Variants in PRKCE observed in about 807,000 individuals in gnomAD.
The protein encoded by PRKCE is protein kinase C epsilon, also known as protein kinase C epsilon type.
PRKCE carries 16 observed loss-of-function variants against 85.4 expected under a neutral mutation model. The observed-to-expected ratio is 0.19, with a 90% CI of 0.13 to 0.28. PRKCE has a LOEUF of 0.28. Ranked by LOEUF, PRKCE falls within the 10% of genes least tolerant of loss-of-function variation. The pLI, the probability that PRKCE is intolerant of heterozygous loss-of-function variation, is 1.00. For synonymous variants in PRKCE, 388 were observed against 371.5 expected (o/e 1.04, Z -0.51); for missense variants, 573 against 975.2 (o/e 0.59, Z 5.49).
intron 1 of PRKCE, among the ~76,000 whole-genome samples, chr2:45,684,234 C>T (rs1439419555): frequency 2.0e-5 from 3 of 152,178 alleles, no homozygotes; most frequent in Admixed American, 2.0e-4. Flanking sequence ...AGTGGATTCC[C>T]TTTTTCAGGA....
intron 1 of PRKCE, among the ~76,000 whole-genome samples, chr2:45,695,363 T>G (rs1267662082): frequency 6.6e-6 from 1 of 152,228 alleles, no homozygotes; most frequent in Non-Finnish European, 1.5e-5. Context: ...CATTACAGTC[T>G]TTCTTTCCTT....
chr2:45,968,111 C>T (rs1701854531), intron 2 of PRKCE, among the ~76,000 whole-genome samples: 1 of 152,140 alleles, frequency 6.6e-6, no homozygotes, highest in Non-Finnish European at 1.5e-5. Context: ...TTCTTGGCTC[C>T]ATATACTCTG....
chr2:45,686,872 G>A (rs912736481), intron 1 of PRKCE, among the ~76,000 whole-genome samples: 3 of 152,114 alleles, frequency 2.0e-5, no homozygotes, highest in Non-Finnish European at 4.4e-5. Flanking sequence ...TATCAGTGAA[G>A]AATGGTAGAT....
chr2:45,868,877 G>A (rs1269080439), intron 2 of PRKCE, among the ~76,000 whole-genome samples: 1 of 150,620 alleles, frequency 6.6e-6, no homozygotes, highest in Non-Finnish European at 1.5e-5. Flanking sequence ...AGAATCTCTT[G>A]AATCTGGGAG....
At chr2:45,827,984 A>G (rs1206132555) in intron 1 of PRKCE, among the ~76,000 whole-genome samples, 1 of 152,224 alleles carries the variant, frequency 6.6e-6, no homozygotes, top group Non-Finnish European at 1.5e-5. Flanking sequence ...GACAAATAGG[A>G]GAATATATTC....
At chr2:46,049,238 G>A (rs1037145657) in intron 10 of PRKCE, among the ~76,000 whole-genome samples, 1 of 152,130 alleles carries the variant, frequency 6.6e-6, no homozygotes, top group African/African-American at 2.4e-5. Context: ...GGGACCTCAG[G>A]GTTTCTGCTT....
chr2:46,134,492 C>A (rs897090118), intron 11 of PRKCE, among the ~76,000 whole-genome samples: 1 of 152,222 alleles, frequency 6.6e-6, no homozygotes, highest in African/African-American at 2.4e-5. Context: ...AGCAGGGGAG[C>A]ATCATCTGAT....
At chr2:46,146,070 G>C (rs1273695012) in intron 12 of PRKCE, among the ~76,000 whole-genome samples, 1 of 152,196 alleles carries the variant, frequency 6.6e-6, no homozygotes, top group Non-Finnish European at 1.5e-5. Flanking sequence ...ACAGATATCA[G>C]AGATGTTCAC....
chr2:46,097,558 T>A (rs1360516080), intron 11 of PRKCE, among the ~76,000 whole-genome samples: 1 of 147,762 alleles, frequency 6.8e-6, no homozygotes, highest in Non-Finnish European at 1.5e-5. Flanking sequence ...CTGACTTTGG[T>A]GTCTTGACTT....
intron 1 of PRKCE, among the ~76,000 whole-genome samples, chr2:45,716,996 C>T (rs912334491): frequency 2.6e-5 from 4 of 152,222 alleles, no homozygotes; most frequent in African/African-American, 7.2e-5. Context: ...ATTCAATTAC[C>T]TCCTACTGGG....
intron 2 of PRKCE, among the ~76,000 whole-genome samples, chr2:45,864,786 T>G (rs1378010860): frequency 6.6e-6 from 1 of 152,238 alleles, no homozygotes; most frequent in Non-Finnish European, 1.5e-5. Context: ...GGTAGAGTAC[T>G]TGCTTTCATA....
chr2:45,920,806 G>T (rs1698195872), intron 2 of PRKCE, among the ~76,000 whole-genome samples: 1 of 152,190 alleles, frequency 6.6e-6, no homozygotes, highest in Non-Finnish European at 1.5e-5. Context: ...TTCTAAAACT[G>T]ATGGTTTAGT....
chr2:46,105,579 T>G (rs558896894), intron 11 of PRKCE, among the ~76,000 whole-genome samples: 24 of 152,124 alleles, frequency 1.6e-4, no homozygotes, highest in Non-Finnish European at 2.9e-4. Context: ...ATACCATGAC[T>G]TTTGGGAACA....
chr2:46,007,510 A>G lies in PRKCE; in HGVS notation c.1112A>G (p.Asn371Ser), dbSNP rs1329915953. 5 of 1,599,786 alleles carry G rather than the reference A, an allele frequency of 3.1e-6. No individual in the cohort carries two copies. The highest frequency in any genetic ancestry group is 1.7e-4 in the Middle Eastern group (1 of 6,060). ...ATTCGGAAAGCCTTGTCATTTGACA[A>G]CCGAGGAGAGGAGCACCGGGCAGCA... ...NNIRKALSFD[N>S]RGEEHRAASS... The change falls in exon 9 of 15, where the codon AAC (asparagine) becomes AGC (serine). Residue 371 changes from asparagine (N) to serine (S), a missense_variant. By Grantham distance (46) the Asn-to-Ser change is conservative (BLOSUM62 1). Coordinates refer to ENST00000306156, the MANE Select transcript of PRKCE (RefSeq NM_005400.3).
chr2:45,875,749 A>C (rs573887310), intron 2 of PRKCE, among the ~76,000 whole-genome samples: 1 of 152,324 alleles, frequency 6.6e-6, no homozygotes, highest in South Asian at 2.1e-4. Flanking sequence ...AATGTCAACT[A>C]ATCTTTCACC....
intron 1 of PRKCE, among the ~76,000 whole-genome samples, chr2:45,816,265 C>G (rs1689031683): frequency 6.6e-6 from 1 of 152,096 alleles, no homozygotes; most frequent in African/African-American, 2.4e-5. Flanking sequence ...GGGCTCAGCC[C>G]TGCTATGAAT....
At chr2:46,039,298 T>C (rs533370330) in intron 10 of PRKCE, among the ~76,000 whole-genome samples, 2 of 152,228 alleles carry the variant, frequency 1.3e-5, no homozygotes, top group African/African-American at 4.8e-5. Flanking sequence ...AGTTTCTCTG[T>C]CTCTCTCACA....
intron 1 of PRKCE, among the ~76,000 whole-genome samples, chr2:45,692,318 G>A (rs907187293): frequency 1.3e-5 from 2 of 152,052 alleles, no homozygotes; most frequent in Non-Finnish European, 2.9e-5. Context: ...GAAACATGTC[G>A]GGGAGTTTTT....
At chr2:46,170,202 G>C (rs1678757849) in intron 14 of PRKCE, among the ~76,000 whole-genome samples, 1 of 152,130 alleles carries the variant, frequency 6.6e-6, no homozygotes, top group Non-Finnish European at 1.5e-5. Flanking sequence ...GAAGTTTCCT[G>C]CCCATAGCCC....
Sources: gnomAD v4.1 joint callset for allele counts (sites outside exome capture counted in the v4.1 genomes callset) on GRCh38, gnomAD v4.1.1 for gene constraint, MANE v1.5 for transcripts, NCBI Gene and HGNC (gene_info 2026-07-23, HGNC 2026-07-21) for gene names.